Variants in INTS2 observed in about 807,000 individuals in gnomAD.
INTS2 encodes the protein integrator complex subunit 2.
A neutral mutation model predicts 139.6 loss-of-function variants in INTS2; 57 were observed. The observed-to-expected ratio is 0.41, with a 90% CI of 0.33 to 0.51. INTS2 has a LOEUF of 0.51. Ranked by LOEUF, INTS2 falls within the 20% of genes least tolerant of loss-of-function variation. INTS2 has a pLI of 0.28. For synonymous variants in INTS2, 473 were observed against 493.4 expected, an observed-to-expected ratio of 0.96 and a Z score of 0.55; for missense variants, 1,196 against 1,436.7, an observed-to-expected ratio of 0.83 and a Z score of 2.71.
At position 61,876,033 on chromosome 17, in the gene INTS2, G is replaced by C. The variant is rs562407363; in HGVS notation, c.2457-995C>G. Among the ~76,000 whole-genome samples the C allele has an allele frequency of 1.3e-5, 2 of 151,956 alleles. No homozygotes were observed. The highest frequency in any genetic ancestry group is 4.8e-5 in the African/African-American group (2 of 41,374). ...AAACTAAAAAAAATTAGGCAGGCAC[G>C]GGGGTATGCACCTGTAGTCCAGCTA... is the stretch of plus-strand genomic sequence containing the variant. On this transcript the variant is annotated intron_variant, in intron 18 of 24. Transcript: ENST00000251334. The surrounding 1 kb of genome is among the most constrained non-coding windows in gnomAD (Gnocchi z 4.1).
At chr17:61,913,560 C>T (rs996176456) in intron 5 of INTS2, among the ~76,000 whole-genome samples, 1 of 152,138 alleles carries the variant, frequency 6.6e-6, no homozygotes, top group Non-Finnish European at 1.5e-5. Flanking sequence ...AAACAATCCT[C>T]CCGTTTTGGC....
chr17:61,926,726 C>T (rs756802598), intron 1 of INTS2, 64 bp from the exon 2 acceptor site: 68 of 1,307,896 alleles, frequency 5.2e-5, no homozygotes, highest in Non-Finnish European at 7.6e-6. Flanking sequence ...ACCCAACTTT[C>T]TAAAAACCCT....
At position 61,893,356 on chromosome 17, in the gene INTS2, C is replaced by T. The variant is rs775738554; in HGVS notation, c.1698+409G>A. On this transcript the variant is annotated intron_variant, in intron 13 of 24. Coordinates refer to ENST00000251334, the MANE Select transcript of INTS2 (RefSeq NM_001351695.2). This position sits in a 1 kb window ranked among gnomAD's most constrained non-coding sequence, Gnocchi z 5.4. ...AAAACCCACAATAAATGCCTACAAA[C>T]TGAAATACAACTGGGGAGAAAGCAT... Among the ~76,000 whole-genome samples, 3 of 152,194 alleles carry T rather than the reference C, an allele frequency of 2.0e-5. No homozygotes were observed. Among genetic ancestry groups the T allele is most frequent in the Non-Finnish European group, 4.4e-5 (3 of 68,018 alleles).
At chr17:61,904,715 T>A (rs1184130680) in intron 8 of INTS2, 130 bp from the exon 9 acceptor site, 3 of 780,328 alleles carry the variant, frequency 3.8e-6, no homozygotes, top group Non-Finnish European at 5.9e-6. Flanking sequence ...ATCTTTAACA[T>A]CTCAAGTTGC....
intron 15 of INTS2, among the ~76,000 whole-genome samples, chr17:61,889,101 T>C (rs1262454829): frequency 1.3e-5 from 2 of 151,462 alleles, no homozygotes; most frequent in Admixed American, 1.3e-4. Flanking sequence ...CTTTTTTTTT[T>C]TTTTGAGACA....
rs561172206 is a variant in INTS2 at position 61,880,924 on chromosome 17, C to T, written c.2254+83G>A. On this transcript the variant is annotated intron_variant, in intron 17 of 24. Coordinates refer to ENST00000251334, the MANE Select transcript of INTS2 (RefSeq NM_001351695.2). ...ACATTGTTATATCCATGGGAAAATT[C>T]TGTATGATTATAAGATTTCAATTAG... is the stretch of plus-strand genomic sequence containing the variant. 1.3e-4 allele frequency: 141 copies of T among 1,095,718 alleles called. No homozygotes were observed. The African/African-American group carries it at 1.8e-3, about 14-fold the overall frequency. The allele number at this position is 1,095,718 out of a possible 1,614,324, so 67.9% of individuals were successfully genotyped here. A position where few individuals can be genotyped will look rare whatever the true frequency, so the allele number is the denominator to read the frequency against.
Position 61,869,910 on chromosome 17 carries a change from T to C in INTS2, c.2857A>G (p.Ser953Gly). ...EEKANGVNPDSLLRNVQSVIT... is the reference protein window; with the variant it reads ...EEKANGVNPDGLLRNVQSVIT... ...ACACTTTGAACATTTCTTAACAAGC[T>C]ATCTGGATTGACACCATTTGCTTTC... is the stretch of plus-strand genomic sequence containing the variant. Residue 953 changes from serine to glycine, a missense_variant, in exon 21 of 25, where the codon AGC (serine) becomes GGC (glycine). By Grantham distance (56) the Ser-to-Gly change is moderately conservative (BLOSUM62 0). Around this residue, in one of 3 missense-constraint regions of INTS2, gnomAD observed 1,129 missense variants for 1,341.9 expected, o/e 0.84. Transcript: ENST00000251334. The surrounding 1 kb of genome is among the most constrained non-coding windows in gnomAD (Gnocchi z 5.4). The C allele has an allele frequency of 1.2e-6, 2 of 1,613,886 alleles. No individual in the cohort carries two copies. The highest frequency in any genetic ancestry group is 1.7e-6 in the Non-Finnish European group (2 of 1,179,798).
rs1202380485 is a variant in INTS2, at chr17:61,868,922, T to G, written c.3244+112A>C. 8 of 655,302 alleles carry G rather than the reference T, an allele frequency of 1.2e-5. No individual in the cohort carries two copies. In the Admixed American group the frequency reaches 2.3e-4, roughly 19 times the overall value. The allele number at this position is 655,302 out of a possible 1,614,324, so 40.6% of individuals were successfully genotyped here. On this transcript the variant is annotated intron_variant, in intron 23 of 24. Transcript: ENST00000251334. The surrounding 1 kb of genome is among the most constrained non-coding windows in gnomAD (Gnocchi z 4.7). The stretch of plus-strand genomic sequence containing the variant: ...TTAAACTAGTATTTAACACATATTG[T>G]ATCATACTGTCTCAGAGTGACAGAA...
In INTS2 at chr17:61,893,391, T is replaced by C. The variant is rs1038853203; in HGVS notation, c.1698+374A>G. On this transcript the variant is annotated intron_variant, in intron 13 of 24. Coordinates refer to ENST00000251334, the MANE Select transcript of INTS2 (RefSeq NM_001351695.2). The surrounding 1 kb of genome is among the most constrained non-coding windows in gnomAD (Gnocchi z 5.4). ...ACTGGGGAGAAAGCATTAATTTAGG[T>C]TGTTCTTTGAAATATAAATGTAGGC... 2.6e-4 allele frequency among the ~76,000 whole-genome samples: 39 copies of C among 151,970 alleles called. No homozygotes were observed. Among genetic ancestry groups the C allele is most frequent in the African/African-American group, 9.2e-4 (38 of 41,372 alleles).
At position 61,869,506 on chromosome 17, in the gene INTS2, T is replaced by C. The variant is rs558181849; in HGVS notation, c.3031-126A>G. On this transcript the variant is annotated intron_variant, in intron 21 of 24. Coordinates refer to ENST00000251334, the MANE Select transcript of INTS2 (RefSeq NM_001351695.2). This position sits in a 1 kb window ranked among gnomAD's most constrained non-coding sequence, Gnocchi z 5.4. ...GCTCAGAAGGCTATAGTGCCCCATA[T>C]GTAACCTGGCATTTCACTTTTCTGA... 7.0e-4 allele frequency: 565 copies of C among 808,268 alleles called. 8 individuals are homozygous for C. In the South Asian group the frequency reaches 0.01, roughly 15 times the overall value. 50.1% of individuals were successfully genotyped at this position (808,268 alleles called of 1,614,324 possible). A position where few individuals can be genotyped will look rare whatever the true frequency, so the allele number is the denominator to read the frequency against.
intron 8 of INTS2, among the ~76,000 whole-genome samples, chr17:61,904,833 C>T (rs1353963271): frequency 1.3e-5 from 2 of 152,012 alleles, no homozygotes; most frequent in Non-Finnish European, 2.9e-5. Flanking sequence ...AATGACCATG[C>T]AAGCTGAAAT....
intron 11 of INTS2, among the ~76,000 whole-genome samples, chr17:61,896,412 G>C (rs2079350220): frequency 6.6e-6 from 1 of 151,950 alleles, no homozygotes; most frequent in Admixed American, 6.6e-5. Flanking sequence ...TAATATTACA[G>C]TAGCTTTTCA....
At chr17:61,905,635 T>C (rs2079454598) in intron 8 of INTS2, among the ~76,000 whole-genome samples, 1 of 152,140 alleles carries the variant, frequency 6.6e-6, no homozygotes, top group Non-Finnish European at 1.5e-5. Context: ...CTTAAAGTTT[T>C]TTTATTTCTT....
intron 19 of INTS2, chr17:61,874,053 T>C (rs1319884967): frequency 2.0e-5 from 3 of 152,162 alleles, no homozygotes; most frequent in Non-Finnish European, 2.9e-5. Context: ...TGAACAAATA[T>C]TCACCTAAAC....
rs1336020592 is a variant in INTS2 at position 61,871,212 on chromosome 17, C to A, written c.2778+1053G>T. On this transcript the variant is annotated intron_variant, in intron 20 of 24. Coordinates refer to ENST00000251334, the MANE Select transcript of INTS2 (RefSeq NM_001351695.2). This position sits in a 1 kb window ranked among gnomAD's most constrained non-coding sequence, Gnocchi z 4.9. ...CTCAGCTCACTGCAACCTCCGCCTCCCGGGTTCAAGCCATTCTCCTGCCTC... is the reference window on the plus strand; with the variant it reads ...CTCAGCTCACTGCAACCTCCGCCTCACGGGTTCAAGCCATTCTCCTGCCTC... Among the ~76,000 whole-genome samples, 1 of 152,174 alleles carries A rather than the reference C, an allele frequency of 6.6e-6. No individual in the cohort carries two copies. The highest frequency in any genetic ancestry group is 1.5e-5 in the Non-Finnish European group (1 of 68,040).
rs377626488 is a variant in INTS2 at position 61,877,997 on chromosome 17, C to T, written c.2346G>A (p.Ala782=). Residue 782 remains alanine, a synonymous_variant, in exon 18 of 25, where the codon GCG becomes GCA. Coordinates refer to ENST00000251334, the MANE Select transcript of INTS2 (RefSeq NM_001351695.2). ...GGCTCATATTGGATGTTAACACTTC[C>T]GCATATGGTATAAGTTCACTGGCAG... The part of the protein sequence containing the change: ...LLSASELIPY[A]EVLTSNMSQL... 8.1e-6 allele frequency: 13 copies of T among 1,612,500 alleles called. No individual in the cohort carries two copies. The highest frequency in any genetic ancestry group is 1.3e-5 in the African/African-American group (1 of 74,888).
At chr17:61,885,236 AG>A in intron 15 of INTS2, 1 of 522,680 alleles carries the variant, frequency 1.9e-6, no homozygotes, top group Non-Finnish European at 3.4e-6. Flanking sequence ...AAAACTAGAC[AG>A]AAGAAAATTC....
Position 61,870,021 on chromosome 17 carries a change from A to C in INTS2, c.2779-33T>G, listed in dbSNP as rs1333465370. On this transcript the variant is annotated intron_variant, in intron 20 of 24. Transcript: ENST00000251334. The surrounding 1 kb of genome is among the most constrained non-coding windows in gnomAD (Gnocchi z 4.4). The stretch of plus-strand genomic sequence containing the variant: ...CAAACAAAACATAGAAAAAGTAAGA[A>C]GTTTCTAAGAAGTTAAAAAACAAAT... The C allele has an allele frequency of 6.4e-7, 1 of 1,563,388 alleles. No individual in the cohort carries two copies. The highest frequency in any genetic ancestry group is 1.4e-5 in the African/African-American group (1 of 72,932).
chr17:61,891,836 T>C (rs910335555), intron 13 of INTS2, 147 bp from the exon 14 acceptor site: 60 of 588,430 alleles, frequency 1.0e-4, no homozygotes, highest in African/African-American at 9.0e-4. Context: ...TTATCTAGTA[T>C]CATAACTGCC....
Sources: gnomAD v4.1 joint callset for allele counts (sites outside exome capture counted in the v4.1 genomes callset) on GRCh38, gnomAD v4.1.1 for gene constraint, gnomAD v4.1.1 regional missense constraint, Gnocchi (gnomAD v3.1) non-coding constraint, MANE v1.5 for transcripts, NCBI Gene and HGNC (gene_info 2026-07-23, HGNC 2026-07-21) for gene names.